Variants in KCNK2 observed in about 807,000 individuals in gnomAD.
The protein encoded by KCNK2 is potassium two pore domain channel subfamily K member 2, also known as potassium channel subfamily K member 2.
KCNK2 carries 21 observed loss-of-function variants against 40.5 expected under a neutral mutation model. The observed-to-expected ratio is 0.52, with a 90% CI of 0.37 to 0.75. KCNK2 has a LOEUF of 0.75. Among genes scored for constraint, KCNK2 ranks in the 30% least tolerant of loss-of-function variants. KCNK2 has a pLI of 0.00. For missense variants in KCNK2, 399 were observed against 531.6 expected, an observed-to-expected ratio of 0.75 and a Z score of 2.45; for synonymous variants, 191 against 202.2, an observed-to-expected ratio of 0.94 and a Z score of 0.47.
intron 1 of KCNK2, among the ~76,000 whole-genome samples, chr1:215,052,172 C>G (rs1041144072): frequency 5.9e-5 from 9 of 151,656 alleles, no homozygotes; most frequent in African/African-American, 2.2e-4. Context: ...TGTAAACACA[C>G]CGAAAATTAA....
intron 1 of KCNK2, among the ~76,000 whole-genome samples, chr1:215,030,652 A>T (rs2841593): frequency 3.2e-4 from 49 of 151,316 alleles, no homozygotes; most frequent in Non-Finnish European, 6.2e-4. Flanking sequence ...CTCCCACCTC[A>T]GCCTCCCGAG....
chr1:215,177,281 T>A (rs914694936), intron 5 of KCNK2, among the ~76,000 whole-genome samples: 3 of 152,050 alleles, frequency 2.0e-5, no homozygotes, highest in Non-Finnish European at 4.4e-5. Flanking sequence ...TAGGTTATAC[T>A]TATTTTATCC....
chr1:215,048,776 C>T (rs1488075694), intron 1 of KCNK2, among the ~76,000 whole-genome samples: 1 of 152,146 alleles, frequency 6.6e-6, no homozygotes, highest in Non-Finnish European at 1.5e-5. Context: ...GCTCTGGCTG[C>T]GTCAGCCTGG....
rs1265069533 is a variant in KCNK2 at position 215,187,161 on chromosome 1, A to G, written c.824-7792A>G. ...ATTTTCTGTATTTTTTGTAGAGATG[A>G]GATCTCCTTCGTTGCCCATGCTGGT... On this transcript the variant is annotated intron_variant, in intron 5 of 6. Coordinates refer to ENST00000444842, the MANE Select transcript of KCNK2 (RefSeq NM_001017425.3). Among the ~76,000 whole-genome samples, 3 of 151,970 alleles carry G rather than the reference A, an allele frequency of 2.0e-5. 1 individual carries two copies. Among genetic ancestry groups the G allele is most frequent in the Admixed American group, 2.0e-4 (3 of 15,246 alleles).
At chr1:215,044,551 A>C (rs1657676641) in intron 1 of KCNK2, among the ~76,000 whole-genome samples, 1 of 152,188 alleles carries the variant, frequency 6.6e-6, no homozygotes, top group Non-Finnish European at 1.5e-5. Flanking sequence ...TTATAGGTAG[A>C]TATTTCCTAT....
intron 6 of KCNK2, among the ~76,000 whole-genome samples, chr1:215,213,772 G>T (rs1665839201): frequency 6.6e-6 from 1 of 152,096 alleles, no homozygotes; most frequent in Admixed American, 6.5e-5. Context: ...ATTTGAAATT[G>T]CTTGTGGATC....
chr1:215,036,484 C>CT (rs35958350), intron 1 of KCNK2, among the ~76,000 whole-genome samples: 20 of 151,138 alleles, frequency 1.3e-4, no homozygotes, highest in African/African-American at 3.9e-4. Flanking sequence ...CAATTTTGTT[C>CT]TTTTTTTTTT....
chr1:215,209,928 C>T (rs1571734719), intron 6 of KCNK2, among the ~76,000 whole-genome samples: 1 of 45,056 alleles, frequency 2.2e-5, no homozygotes, highest in Non-Finnish European at 3.8e-5. Flanking sequence ...TTGCATACTG[C>T]ACTTCATGAA....
At chr1:215,156,197 C>A (rs2102618483) in intron 3 of KCNK2, among the ~76,000 whole-genome samples, 1 of 152,084 alleles carries the variant, frequency 6.6e-6, no homozygotes, top group African/African-American at 2.4e-5. Flanking sequence ...ACAAAGTACA[C>A]AGTATTGATG....
intron 1 of KCNK2, among the ~76,000 whole-genome samples, chr1:215,066,087 G>A (rs1658528676): frequency 6.6e-6 from 1 of 151,642 alleles, no homozygotes; most frequent in South Asian, 2.1e-4. Context: ...GACACAGGGA[G>A]GGGAACATCA....
At chr1:215,165,598 G>A (rs544617030) in intron 3 of KCNK2, among the ~76,000 whole-genome samples, 2 of 152,204 alleles carry the variant, frequency 1.3e-5, no homozygotes, top group Non-Finnish European at 2.9e-5. Flanking sequence ...AGCACATATA[G>A]TATAATAGAG....
intron 3 of KCNK2, among the ~76,000 whole-genome samples, chr1:215,154,773 G>C (rs940025349): frequency 6.6e-6 from 1 of 152,064 alleles, no homozygotes; most frequent in Non-Finnish European, 1.5e-5. Context: ...TGTAAAGAAG[G>C]GGTCCAGTTT....
intron 6 of KCNK2, among the ~76,000 whole-genome samples, chr1:215,199,632 A>G (rs1665004101): frequency 6.6e-6 from 1 of 152,212 alleles, no homozygotes; most frequent in African/African-American, 2.4e-5. Flanking sequence ...CACATGTTTA[A>G]CAGAAAGGAT....
At chr1:215,100,328 T>C (rs1397444337) in intron 2 of KCNK2, among the ~76,000 whole-genome samples, 1 of 151,962 alleles carries the variant, frequency 6.6e-6, no homozygotes, top group South Asian at 2.1e-4. Context: ...AATTATTAGA[T>C]GAATTTAGAG....
At chr1:215,228,081 G>T (rs1394367203) in intron 6 of KCNK2, among the ~76,000 whole-genome samples, 1 of 152,184 alleles carries the variant, frequency 6.6e-6, no homozygotes, top group Admixed American at 6.5e-5. Flanking sequence ...ATTCAGTAAA[G>T]ATTTGACCTA....
At chr1:215,102,831 A>G (rs1660279683) in intron 2 of KCNK2, among the ~76,000 whole-genome samples, 1 of 152,028 alleles carries the variant, frequency 6.6e-6, no homozygotes, top group Non-Finnish European at 1.5e-5. Context: ...AGGCTCTACC[A>G]TATAGTCTGG....
At chr1:215,158,056 G>A (rs749055820) in intron 3 of KCNK2, among the ~76,000 whole-genome samples, 1 of 152,172 alleles carries the variant, frequency 6.6e-6, no homozygotes, top group Non-Finnish European at 1.5e-5. Context: ...CACTCTGTGA[G>A]GGATGCCTCC....
chr1:215,038,846 A>T (rs12047560), intron 1 of KCNK2, among the ~76,000 whole-genome samples: 1 of 151,904 alleles, frequency 6.6e-6, no homozygotes, highest in Non-Finnish European at 1.5e-5. Flanking sequence ...TATTTCTTCT[A>T]TTTCTCCTCT....
intron 1 of KCNK2, among the ~76,000 whole-genome samples, chr1:215,036,582 T>G (rs1657392537): frequency 1.3e-5 from 2 of 151,956 alleles, no homozygotes; most frequent in Admixed American, 6.6e-5. Context: ...CCTGTTTAGA[T>G]TTTGAATTGA....
Sources: gnomAD v4.1 joint callset for allele counts (sites outside exome capture counted in the v4.1 genomes callset) on GRCh38, gnomAD v4.1.1 for gene constraint, MANE v1.5 for transcripts, NCBI Gene and HGNC (gene_info 2026-07-23, HGNC 2026-07-21) for gene names.